Variants in RASSF3 observed in about 807,000 individuals in gnomAD.
RASSF3 encodes ras association domain-containing protein 3.
Under a neutral mutation model 19.9 loss-of-function variants are expected in RASSF3, and 19 were observed. The observed-to-expected ratio is 0.96, with a 90% CI of 0.67 to 1.40. The LOEUF is 1.40. RASSF3 is among the 40% of genes most tolerant of loss of function. The pLI is 0.00. For missense variants in RASSF3, 306 were observed against 289.8 expected (o/e 1.06, Z -0.41); for synonymous variants, 110 against 104.2 (o/e 1.06, Z -0.34).
exon 1 of RASSF3, chr12:64,507,076 G>C (rs1008595517): frequency 2.5e-6 from 1 of 397,564 alleles, no homozygotes; most frequent in Non-Finnish European, 4.4e-6. Context: ...GGGATTTAGG[G>C]CTAACAGGTG....
chr12:64,574,858 A>C (rs1225758209), intron 2 of RASSF3, among the ~76,000 whole-genome samples: 1 of 152,216 alleles, frequency 6.6e-6, no homozygotes, highest in African/African-American at 2.4e-5. Context: ...GTAAGACATA[A>C]GTATCTATTG....
chr12:64,514,071 T>G (rs1034405176), intron 1 of RASSF3, among the ~76,000 whole-genome samples: 3 of 150,014 alleles, frequency 2.0e-5, no homozygotes, highest in Non-Finnish European at 4.4e-5. Flanking sequence ...TTTTTTTTAG[T>G]AGAGACGGGG....
At chr12:64,651,826 C>G (rs1871966407) in intron 1 of RASSF3, among the ~76,000 whole-genome samples, 3 of 152,138 alleles carry the variant, frequency 2.0e-5, no homozygotes, top group South Asian at 2.1e-4. Context: ...CCACACCTGG[C>G]TAATTCTTGC....
chr12:64,621,405 C>T (rs956169610), intron 1 of RASSF3, among the ~76,000 whole-genome samples: 1 of 152,114 alleles, frequency 6.6e-6, no homozygotes, highest in Non-Finnish European at 1.5e-5. Flanking sequence ...GATGGTTCTG[C>T]TTTTTTGAGG....
chr12:64,583,144 C>T (rs2136136392), intron 2 of RASSF3, among the ~76,000 whole-genome samples: 1 of 152,302 alleles, frequency 6.6e-6, no homozygotes, highest in South Asian at 2.1e-4. Context: ...GGACCCTTCA[C>T]ATGACACAAA....
downstream of RASSF3, among the ~76,000 whole-genome samples, chr12:64,544,818 C>G (rs1480661853): frequency 6.6e-6 from 1 of 152,148 alleles, no homozygotes; most frequent in Non-Finnish European, 1.5e-5. Context: ...TGCCCTCTGA[C>G]CAATGCTGAG....
chr12:64,668,531 C>T (rs142949749), intron 1 of RASSF3, among the ~76,000 whole-genome samples: 102 of 152,160 alleles, frequency 6.7e-4, no homozygotes, highest in Non-Finnish European at 1.1e-3. Context: ...ACTTAGGCTT[C>T]GAAAATGCTG....
In RASSF3 at chr12:64,678,569, G is replaced by T. The variant is rs1299959833; in HGVS notation, c.112-6218G>T. ...TCCCCCACTCAATCAGAGCATCTGT[G>T]CTATTAATATTTGCTCTTTTTTGTT... On this transcript the variant is annotated intron_variant, in intron 1 of 4. Transcript: ENST00000542104. 2.1e-5 allele frequency among the ~76,000 whole-genome samples: 3 copies of T among 145,692 alleles called. No homozygotes were observed. The Admixed American group carries it at 2.2e-4, about 10-fold the overall frequency.
intron 1 of RASSF3, among the ~76,000 whole-genome samples, chr12:64,632,565 A>G (rs902742099): frequency 1.3e-5 from 2 of 152,220 alleles, no homozygotes; most frequent in East Asian, 1.9e-4. Flanking sequence ...CTGATCGACC[A>G]GGGTGAGGGG....
chr12:64,603,957 C>T (rs969491403), intron 2 of RASSF3, among the ~76,000 whole-genome samples: 1 of 151,990 alleles, frequency 6.6e-6, no homozygotes, highest in African/African-American at 2.4e-5. Context: ...AAGCGATTCT[C>T]CTGCCTCAGC....
intron 2 of RASSF3, among the ~76,000 whole-genome samples, chr12:64,591,523 T>C (rs1402287163): frequency 1.3e-5 from 2 of 152,058 alleles, no homozygotes; most frequent in East Asian, 3.9e-4. Context: ...AAACCAATCA[T>C]GTGCATTTAG....
At chr12:64,581,789 C>T (rs1339640998) in intron 2 of RASSF3, among the ~76,000 whole-genome samples, 2 of 143,806 alleles carry the variant, frequency 1.4e-5, no homozygotes, top group Non-Finnish European at 1.5e-5. Flanking sequence ...AGAGATTGAC[C>T]TTTTTTTTTT....
chr12:64,564,033 A>G (rs1251331293), intron 2 of RASSF3, among the ~76,000 whole-genome samples: 7 of 152,338 alleles, frequency 4.6e-5, no homozygotes, highest in Non-Finnish European at 1.5e-5. Context: ...TGTGTGTTAC[A>G]TGAATGAATA....
chr12:64,507,878 A>G (rs554944995), intron 1 of RASSF3, among the ~76,000 whole-genome samples: 1 of 152,288 alleles, frequency 6.6e-6, no homozygotes, highest in African/African-American at 2.4e-5. Context: ...TTTTCTGTCC[A>G]GTCCTGCCTG....
At chr12:64,571,750 T>C (rs1311238666) in intron 2 of RASSF3, among the ~76,000 whole-genome samples, 1 of 152,108 alleles carries the variant, frequency 6.6e-6, no homozygotes, top group Non-Finnish European at 1.5e-5. Context: ...GCTGTTCCAA[T>C]GCATACATTT....
intron 1 of RASSF3, among the ~76,000 whole-genome samples, chr12:64,523,626 T>A (rs1868523512): frequency 6.6e-6 from 1 of 152,090 alleles, no homozygotes; most frequent in Middle Eastern, 3.2e-3. Flanking sequence ...TTAAACCCTT[T>A]GTCCTACCCT....
At chr12:64,562,023 T>TTATTTATTTATTTTTGTTTG (rs141301351) in intron 2 of RASSF3, among the ~76,000 whole-genome samples, 3 of 139,768 alleles carry the variant, frequency 2.1e-5, no homozygotes, top group Non-Finnish European at 4.7e-5. Context: ...ATTTATTTAT[T>TTATTTATTTATTTTTGTTTG]TTTGTTTGTT....
intron 4 of RASSF3, among the ~76,000 whole-genome samples, chr12:64,692,081 A>G (rs139335632): frequency 1.5e-3 from 232 of 152,270 alleles, no homozygotes; most frequent in African/African-American, 5.3e-3. Flanking sequence ...TGATTAAGAA[A>G]TTATGTTTCC....
intron 3 of RASSF3, among the ~76,000 whole-genome samples, chr12:64,690,650 A>G (rs1291470153): frequency 2.6e-5 from 4 of 151,412 alleles, no homozygotes; most frequent in Admixed American, 1.3e-4. Flanking sequence ...TAGTTAGAAA[A>G]AAAAATTTTT....
Sources: allele counts gnomAD v4.1 joint callset (sites outside exome capture counted in the v4.1 genomes callset), GRCh38; gene constraint gnomAD v4.1.1; transcripts MANE v1.5; gene names NCBI Gene and HGNC (gene_info 2026-07-23, HGNC 2026-07-21).